The following AKAP10 variants were observed in gnomAD, a reference collection of about 807,000 sequenced individuals.
The protein encoded by AKAP10 is A-kinase anchor protein 10, mitochondrial.
A neutral mutation model predicts 80.8 loss-of-function variants in AKAP10; 24 were observed. The ratio of observed to expected loss-of-function variants is 0.30; its 90% CI spans 0.22 to 0.42. The LOEUF is 0.42. Among genes scored for constraint, AKAP10 ranks in the 10% least tolerant of loss-of-function variants. The probability of loss-of-function intolerance (pLI) is 1.00; values close to 1 mark genes in which losing one functional copy is unlikely to be tolerated. For missense variants in AKAP10, 661 were observed against 794.9 expected, an observed-to-expected ratio of 0.83 and a Z score of 2.03; for synonymous variants, 291 against 277.7, an observed-to-expected ratio of 1.05 and a Z score of -0.48.
intron 8 of AKAP10, among the ~76,000 whole-genome samples, chr17:19,938,237 A>ATTT (rs71157845): frequency 1.5e-5 from 2 of 136,068 alleles, no homozygotes; most frequent in Non-Finnish European, 3.1e-5. Context: ...CTGAAAACCT[A>ATTT]TTTTTTTTTT....
At chr17:19,929,931 C>T (rs367789191) in intron 10 of AKAP10, among the ~76,000 whole-genome samples, 18 of 148,360 alleles carry the variant, frequency 1.2e-4, no homozygotes, top group African/African-American at 2.7e-4. Context: ...GAGCCACGAT[C>T]GTGCCATTGC....
intron 10 of AKAP10, among the ~76,000 whole-genome samples, chr17:19,930,343 T>A (rs762245858): frequency 6.6e-5 from 10 of 152,194 alleles, no homozygotes; most frequent in Non-Finnish European, 1.3e-4. Flanking sequence ...CCTCCTTAGA[T>A]TTCTTGTCTT....
intron 2 of AKAP10, among the ~76,000 whole-genome samples, chr17:19,965,438 T>C (rs528430184): frequency 3.9e-4 from 60 of 152,312 alleles, no homozygotes; most frequent in African/African-American, 1.4e-3. Context: ...CATCAATATC[T>C]TGCTCAAAAA....
chr17:19,957,116 T>C (rs953632397), intron 4 of AKAP10, among the ~76,000 whole-genome samples: 1 of 151,648 alleles, frequency 6.6e-6, no homozygotes, highest in Non-Finnish European at 1.5e-5. Flanking sequence ...TAATTAAGAG[T>C]ATATAATTTC....
chr17:19,943,927 C>T (rs368327779), intron 5 of AKAP10, among the ~76,000 whole-genome samples: 41 of 152,114 alleles, frequency 2.7e-4, no homozygotes, highest in African/African-American at 9.7e-4. Context: ...AGGGAAAAAA[C>T]CCCACACAAC....
intron 9 of AKAP10, among the ~76,000 whole-genome samples, chr17:19,932,556 T>C (rs2042947759): frequency 1.3e-5 from 2 of 152,138 alleles, no homozygotes; most frequent in African/African-American, 4.8e-5. Context: ...TAATACTTTT[T>C]AGCAGAAAAT....
chr17:19,970,419 A>T (rs188395399), intron 1 of AKAP10, among the ~76,000 whole-genome samples: 4 of 152,208 alleles, frequency 2.6e-5, no homozygotes. Flanking sequence ...ATCAAATATC[A>T]GCATTTTGCT....
rs2043109912 is a variant in AKAP10, at chr17:19,946,223, TATATATATATATATTATATATATA to T, written c.976+1160_976+1183del. ...ATATATTTTATATATATATATATTT[TATATATATATATATTATATATATA>T]TATATATATATATATATATATATAT... On this transcript the variant is annotated intron_variant, in intron 5 of 14. Coordinates refer to ENST00000225737, the MANE Select transcript of AKAP10 (RefSeq NM_007202.4). 6.0e-4 allele frequency among the ~76,000 whole-genome samples: 8 copies of T among 13,416 alleles called. 1 individual carries two copies. The South Asian group carries it at 9.9e-3, about 17-fold the overall frequency. The allele number at this position is 13,416 out of a possible 152,430, so 8.8% of individuals were successfully genotyped here. A position where few individuals can be genotyped will look rare whatever the true frequency, so the allele number is the denominator to read the frequency against.
chr17:19,919,619 G>C (rs1017628911), intron 12 of AKAP10, among the ~76,000 whole-genome samples: 1 of 151,872 alleles, frequency 6.6e-6, no homozygotes, highest in Non-Finnish European at 1.5e-5. Flanking sequence ...AGGAAGCAGA[G>C]GTTGCAGTGA....
intron 12 of AKAP10, among the ~76,000 whole-genome samples, chr17:19,911,739 G>A (rs1249663986): frequency 1.4e-5 from 2 of 147,792 alleles, no homozygotes; most frequent in Non-Finnish European, 3.0e-5. Flanking sequence ...GGAGGCTGAG[G>A]CAGGAGAATT....
At chr17:19,936,122 G>A in intron 9 of AKAP10, 164 bp downstream of exon 9, 2 of 618,558 alleles carry the variant, frequency 3.2e-6, no homozygotes, top group Non-Finnish European at 5.1e-6. Flanking sequence ...TATGTGGCAC[G>A]TGACTGTACA....
At chr17:19,933,006 C>T (rs551525350) in intron 9 of AKAP10, among the ~76,000 whole-genome samples, 19 of 151,976 alleles carry the variant, frequency 1.3e-4, no homozygotes, top group African/African-American at 4.3e-4. Context: ...GTATTTAATA[C>T]GTGCCTTTGT....
rs1305728379 is a variant in AKAP10 at position 19,905,010 on chromosome 17, A to G, written c.*1217T>C. 3 of 147,074 alleles carry G rather than the reference A, an allele frequency of 2.0e-5. No individual in the cohort carries two copies. Among genetic ancestry groups the G allele is most frequent in the Non-Finnish European group, 3.0e-5 (2 of 67,294 alleles). 9.1% of individuals were successfully genotyped at this position (147,074 alleles called of 1,614,324 possible). A position where few individuals can be genotyped will look rare whatever the true frequency, so the allele number is the denominator to read the frequency against. The stretch of plus-strand genomic sequence containing the variant: ...GGACAAAAGTGATTAATAATTATAT[A>G]TTTATACATATATATATATATTTTT... On this transcript the variant is annotated 3_prime_UTR_variant, in exon 15 of 15. Transcript: ENST00000225737.
intron 4 of AKAP10, among the ~76,000 whole-genome samples, chr17:19,950,848 C>T (rs2043195433): frequency 6.6e-6 from 1 of 151,810 alleles, no homozygotes; most frequent in Non-Finnish European, 1.5e-5. Context: ...GGCTGCCATC[C>T]CGTCTAGGAA....
chr17:19,960,021 C>T (rs1055674134), intron 3 of AKAP10, among the ~76,000 whole-genome samples: 8 of 152,062 alleles, frequency 5.3e-5, no homozygotes, highest in Non-Finnish European at 1.2e-4. Flanking sequence ...CTGGGGCAGG[C>T]GGATCACTAG....
intron 5 of AKAP10, among the ~76,000 whole-genome samples, chr17:19,943,611 T>C (rs1193270625): frequency 6.6e-6 from 1 of 152,218 alleles, no homozygotes; most frequent in Non-Finnish European, 1.5e-5. Flanking sequence ...TCCTTTGTAA[T>C]ATCCTTTATA....
At chr17:19,909,863 C>A (rs905802290) in intron 13 of AKAP10, 63 bp downstream of exon 13, 46 of 1,512,822 alleles carry the variant, frequency 3.0e-5, no homozygotes, top group Non-Finnish European at 4.2e-5. Context: ...AAATTTTAAA[C>A]CTCACTTACA....
At chr17:19,956,282 A>C (rs999430174) in intron 4 of AKAP10, among the ~76,000 whole-genome samples, 2 of 152,190 alleles carry the variant, frequency 1.3e-5, no homozygotes, top group African/African-American at 4.8e-5. Context: ...AAGTAACTTA[A>C]TTTATACAGA....
At chr17:19,969,534 TCTTG>T (rs1188559050) in intron 1 of AKAP10, among the ~76,000 whole-genome samples, 2 of 150,050 alleles carry the variant, frequency 1.3e-5, no homozygotes, top group Non-Finnish European at 1.5e-5. Flanking sequence ...AACCCTCTTT[TCTTG>T]TTTTTTTTTT....
Sources: allele counts gnomAD v4.1 joint callset (sites outside exome capture counted in the v4.1 genomes callset), GRCh38; gene constraint gnomAD v4.1.1; transcripts MANE v1.5; gene names NCBI Gene and HGNC (gene_info 2026-07-23, HGNC 2026-07-21).